RSPO3: variants seen among roughly 807,000 people sequenced by gnomAD.
RSPO3 encodes R-spondin-3.
Under a neutral mutation model 36.5 loss-of-function variants are expected in RSPO3, and 17 were observed. The ratio of observed to expected loss-of-function variants is 0.47; its 90% CI spans 0.32 to 0.70. RSPO3 has a LOEUF of 0.70. Ranked by LOEUF, RSPO3 falls within the 30% of genes least tolerant of loss-of-function variation. The probability of loss-of-function intolerance (pLI) is 0.04; values close to 1 mark genes in which losing one functional copy is unlikely to be tolerated. For synonymous variants in RSPO3, 108 were observed against 107.0 expected (o/e 1.01, Z -0.06); for missense variants, 294 against 322.5 (o/e 0.91, Z 0.68).
intron 1 of RSPO3, among the ~76,000 whole-genome samples, chr6:127,143,025 C>T (rs963923923): frequency 1.3e-5 from 2 of 151,044 alleles, no homozygotes; most frequent in Admixed American, 1.3e-4. Context: ...TGCTGTGTTG[C>T]CCAGGCTAGT....
chr6:127,178,301 T>C (rs967530310), intron 4 of RSPO3, among the ~76,000 whole-genome samples: 3 of 151,758 alleles, frequency 2.0e-5, no homozygotes, highest in Non-Finnish European at 4.4e-5. Flanking sequence ...TAACAGAATA[T>C]GTGTCTTGAA....
chr6:127,181,371 T>C (rs971327581), intron 4 of RSPO3, among the ~76,000 whole-genome samples: 1 of 151,938 alleles, frequency 6.6e-6, no homozygotes, highest in African/African-American at 2.4e-5. Flanking sequence ...ACATAGATAA[T>C]ACAGCTGCTT....
At chr6:127,128,100 T>C (rs1773973427) in intron 1 of RSPO3, among the ~76,000 whole-genome samples, 1 of 152,108 alleles carries the variant, frequency 6.6e-6, no homozygotes, top group African/African-American at 2.4e-5. Flanking sequence ...ATGAGAATGT[T>C]AGAAAAGTCT....
intron 1 of RSPO3, among the ~76,000 whole-genome samples, chr6:127,135,674 C>G (rs868515169): frequency 6.6e-6 from 1 of 151,976 alleles, no homozygotes; most frequent in Non-Finnish European, 1.5e-5. Flanking sequence ...CACAGGTAAT[C>G]CCAGCATTTT....
intron 4 of RSPO3, among the ~76,000 whole-genome samples, chr6:127,179,898 C>A (rs1401394210): frequency 2.0e-5 from 3 of 151,874 alleles, no homozygotes; most frequent in Non-Finnish European, 4.4e-5. Context: ...TCTGCCTCTT[C>A]TTCCACTTTC....
chr6:127,155,554 G>A (rs1582798482), intron 4 of RSPO3, 116 bp downstream of exon 4: 1 of 962,314 alleles, frequency 1.0e-6, no homozygotes, highest in Middle Eastern at 2.2e-4. Flanking sequence ...CCTAAAATGT[G>A]TACCAAGCAA....
intron 4 of RSPO3, among the ~76,000 whole-genome samples, chr6:127,173,697 T>C (rs1043423102): frequency 2.6e-5 from 4 of 151,748 alleles, no homozygotes; most frequent in Non-Finnish European, 5.9e-5. Context: ...TGTAAGTGGG[T>C]AGAGTTCCAA....
intron 4 of RSPO3, among the ~76,000 whole-genome samples, chr6:127,160,920 T>C (rs1164672874): frequency 6.6e-6 from 1 of 152,298 alleles, no homozygotes; most frequent in East Asian, 1.9e-4. Flanking sequence ...TTAATCATGG[T>C]CACATATGAC....
chr6:127,121,315 G>A (rs1229392522), intron 1 of RSPO3, among the ~76,000 whole-genome samples: 1 of 152,236 alleles, frequency 6.6e-6, no homozygotes, highest in African/African-American at 2.4e-5. Context: ...GGAGCTGTGG[G>A]ATGATGCACC....
At chr6:127,168,563 A>C (rs1293102336) in intron 4 of RSPO3, among the ~76,000 whole-genome samples, 1 of 151,898 alleles carries the variant, frequency 6.6e-6, no homozygotes, top group Non-Finnish European at 1.5e-5. Flanking sequence ...ATTCACTCTG[A>C]TGGTAGTTTC....
intron 1 of RSPO3, among the ~76,000 whole-genome samples, chr6:127,133,741 G>A (rs1029085005): frequency 1.3e-5 from 2 of 152,080 alleles, no homozygotes; most frequent in Non-Finnish European, 2.9e-5. Context: ...AAGGAATCTT[G>A]TTAGGGGAAA....
At position 127,118,999 on chromosome 6, in the gene RSPO3, C is replaced by A. The variant is rs1299413354; in HGVS notation, c.-194C>A. 1 of 476,358 alleles carries A rather than the reference C, an allele frequency of 2.1e-6. No individual in the cohort carries two copies. Among genetic ancestry groups the A allele is most frequent in the Non-Finnish European group, 3.7e-6 (1 of 270,824 alleles). 29.5% of individuals were successfully genotyped at this position (476,358 alleles called of 1,614,324 possible). ...TCAGTGCTTGGATAATTTGAAAGTA[C>A]AATAGTTGGTTTCCCTGTCCACCCG... On this transcript the variant is annotated 5_prime_UTR_variant, in exon 1 of 5. Coordinates refer to ENST00000356698, the MANE Select transcript of RSPO3 (RefSeq NM_032784.5).
intron 4 of RSPO3, among the ~76,000 whole-genome samples, chr6:127,157,511 C>T (rs937483766): frequency 2.0e-5 from 3 of 151,958 alleles, no homozygotes; most frequent in African/African-American, 7.2e-5. Flanking sequence ...AACAACATCA[C>T]AAGAAGTTTG....
chr6:127,167,597 C>T (rs181233442), intron 4 of RSPO3, among the ~76,000 whole-genome samples: 1 of 151,658 alleles, frequency 6.6e-6, no homozygotes, highest in South Asian at 2.1e-4. Context: ...ATGCATGTAG[C>T]TTTATAATAG....
intron 1 of RSPO3, among the ~76,000 whole-genome samples, chr6:127,136,718 G>A (rs945458472): frequency 6.6e-6 from 1 of 152,154 alleles, no homozygotes; most frequent in Non-Finnish European, 1.5e-5. Context: ...CTTGTAGGGG[G>A]ATAGTTGTTT....
At chr6:127,153,897 A>G (rs1272479230) in intron 3 of RSPO3, among the ~76,000 whole-genome samples, 2 of 152,136 alleles carry the variant, frequency 1.3e-5, no homozygotes, top group Admixed American at 6.6e-5. Flanking sequence ...CCAGCAAGAG[A>G]TTATAATATT....
intron 1 of RSPO3, among the ~76,000 whole-genome samples, chr6:127,130,985 C>T (rs1774041544): frequency 6.6e-6 from 1 of 152,042 alleles, no homozygotes; most frequent in Admixed American, 6.6e-5. Context: ...CAGTCCCCTC[C>T]ACAAAGACTG....
At chr6:127,145,480 A>G (rs1210504357) in intron 1 of RSPO3, among the ~76,000 whole-genome samples, 1 of 152,064 alleles carries the variant, frequency 6.6e-6, no homozygotes, top group African/African-American at 2.4e-5. Flanking sequence ...GGCCTATCTC[A>G]CAAAAGTTTC....
chr6:127,192,551 T>C (rs1474283285), intron 4 of RSPO3: 3 of 529,440 alleles, frequency 5.7e-6, no homozygotes. Context: ...TACTTAAATG[T>C]TACACCATAG....
Sources: allele counts gnomAD v4.1 joint callset (sites outside exome capture counted in the v4.1 genomes callset), GRCh38; gene constraint gnomAD v4.1.1; transcripts MANE v1.5; gene names NCBI Gene and HGNC (gene_info 2026-07-23, HGNC 2026-07-21).